KCNAB2: variants seen among roughly 807,000 people sequenced by gnomAD.
KCNAB2 encodes voltage-gated potassium channel subunit beta-2.
Under a neutral mutation model 63.6 loss-of-function variants are expected in KCNAB2, and 29 were observed. The observed-to-expected ratio is 0.46, with a 90% CI of 0.34 to 0.62. The LOEUF is 0.62. KCNAB2 is among the 20% of genes least tolerant of loss of function. The pLI is 0.01. For missense variants in KCNAB2, 359 were observed against 563.9 expected (o/e 0.64, Z 3.68); for synonymous variants, 222 against 224.2 (o/e 0.99, Z 0.09).
intron 5 of KCNAB2, among the ~76,000 whole-genome samples, chr1:6,083,633 T>C (rs1049531212): frequency 2.0e-5 from 3 of 152,158 alleles, no homozygotes; most frequent in African/African-American, 7.2e-5. Flanking sequence ...TCTGTCCAGC[T>C]CAGAGCTGAG....
chr1:5,999,468 CTGTT>C (rs1274485090), intron 1 of KCNAB2, among the ~76,000 whole-genome samples: 1 of 152,196 alleles, frequency 6.6e-6, no homozygotes, highest in Admixed American at 6.5e-5. Flanking sequence ...CACGAGGAAG[CTGTT>C]TGTGATGGTT....
In KCNAB2 at chr1:6,086,934, A is replaced by G. The variant is rs570229713; in HGVS notation, c.426-533A>G. Among the ~76,000 whole-genome samples the G allele has an allele frequency of 1.4e-5, 2 of 144,840 alleles. No individual in the cohort carries two copies. Among genetic ancestry groups the G allele is most frequent in the Non-Finnish European group, 3.0e-5 (2 of 66,228 alleles). On this transcript the variant is annotated intron_variant, in intron 6 of 15. Coordinates refer to ENST00000378083, the MANE Select transcript of KCNAB2 (RefSeq NM_001199862.2). The surrounding 1 kb of genome is among the most constrained non-coding windows in gnomAD (Gnocchi z 4.2). ...CAAGTTACCCCGACCAGGCCGTCCC[A>G]CACAGATTTTCTGCAACACGTGTCA... is the stretch of plus-strand genomic sequence containing the variant.
intron 1 of KCNAB2, among the ~76,000 whole-genome samples, chr1:6,009,772 C>G (rs985257751): frequency 7.9e-5 from 12 of 152,204 alleles, no homozygotes; most frequent in African/African-American, 2.9e-4. Context: ...CCGGTGTTCC[C>G]TCTCTGTCTC....
intron 1 of KCNAB2, among the ~76,000 whole-genome samples, chr1:6,050,065 G>A (rs1322312946): frequency 6.6e-6 from 1 of 152,174 alleles, no homozygotes; most frequent in East Asian, 1.9e-4. Context: ...GGCCCAGCCT[G>A]GGGCAACTCC....
rs1663941272 is a variant in KCNAB2, at chr1:6,078,890, T to C, written c.301-3305T>C. ...GCTGGCCCATGGACCACGCTTTGCC[T>C]GGGGAAGGTGCAGGGAGAGAGGATG... On this transcript the variant is annotated intron_variant, in intron 4 of 15. Transcript: ENST00000378083. The surrounding 1 kb of genome is among the most constrained non-coding windows in gnomAD (Gnocchi z 4.2). Among the ~76,000 whole-genome samples the C allele has an allele frequency of 6.6e-6, 1 of 152,098 alleles. No homozygotes were observed. Among genetic ancestry groups the C allele is most frequent in the South Asian group, 2.1e-4 (1 of 4,824 alleles).
chr1:5,993,140 C>G (rs771219041), intron 1 of KCNAB2, among the ~76,000 whole-genome samples: 110 of 151,470 alleles, frequency 7.3e-4, no homozygotes, highest in Non-Finnish European at 1.3e-3. Flanking sequence ...CTCGCCCTCC[C>G]CTTTCCTCCA....
intron 1 of KCNAB2, among the ~76,000 whole-genome samples, chr1:6,002,158 A>G (rs951792408): frequency 6.6e-6 from 1 of 152,222 alleles, no homozygotes; most frequent in African/African-American, 2.4e-5. Context: ...CGTCCCCAGC[A>G]CTGGCTCCCT....
At chr1:6,042,847 C>CCA (rs1345438994), upstream of KCNAB2, among the ~76,000 whole-genome samples, 2 of 104,620 alleles carry the variant, frequency 1.9e-5, no homozygotes, top group African/African-American at 3.9e-5. Flanking sequence ...CTCCCCACCC[C>CCA]CCCCCCCGTT....
At chr1:6,017,026 G>T (rs139473582) in intron 1 of KCNAB2, among the ~76,000 whole-genome samples, 1 of 152,130 alleles carries the variant, frequency 6.6e-6, no homozygotes, top group African/African-American at 2.4e-5. Context: ...ACAAAATACC[G>T]TGACCAGGAG....
At chr1:5,999,926 C>T (rs116442369) in intron 1 of KCNAB2, among the ~76,000 whole-genome samples, 2,399 of 142,310 alleles carry the variant, frequency 0.017, 48 homozygotes, top group African/African-American at 0.058. Flanking sequence ...GTGCCCCGTC[C>T]GCATCCCGCC....
chr1:6,013,784 C>G (rs1190235163), intron 1 of KCNAB2, among the ~76,000 whole-genome samples: 1 of 151,914 alleles, frequency 6.6e-6, no homozygotes, highest in East Asian at 1.9e-4. Flanking sequence ...CTCGGAGACT[C>G]CTGACGACAC....
At position 6,000,496 on chromosome 1, in the gene KCNAB2, C is replaced by T. The variant is rs1310573599; in HGVS notation, c.-53+7708C>T. On this transcript the variant is annotated intron_variant, in intron 1 of 16. Transcript: ENST00000341524. ...CTGTGCTGGGGCACTTCAGAGGCTC[C>T]GGGGAGCTGCCATGCTCTCTCTCCA... Among the ~76,000 whole-genome samples, 4 of 152,022 alleles carry T rather than the reference C, an allele frequency of 2.6e-5. No homozygotes were observed. In the East Asian group the frequency reaches 7.7e-4, roughly 29 times the overall value.
At chr1:6,089,851 C>T (rs1237193456) in intron 8 of KCNAB2, among the ~76,000 whole-genome samples, 1 of 152,230 alleles carries the variant, frequency 6.6e-6, no homozygotes, top group African/African-American at 2.4e-5. Context: ...GTGCCCACCA[C>T]CACATCTGGT....
intron 1 of KCNAB2, chr1:6,007,528 T>TCCTCCGCGCCG (rs1309353575): frequency 6.6e-6 from 1 of 152,402 alleles, no homozygotes; most frequent in Non-Finnish European, 1.5e-5. Context: ...CCTCCGCGCC[T>TCCTCCGCGCCG]CCTCTGCGCC....
intron 2 of KCNAB2, among the ~76,000 whole-genome samples, chr1:6,067,027 G>A (rs1324783859): frequency 6.6e-6 from 1 of 152,212 alleles, no homozygotes; most frequent in African/African-American, 2.4e-5. Context: ...CCAAGGCTGG[G>A]TGAATGTGCC....
intron 8 of KCNAB2, among the ~76,000 whole-genome samples, chr1:6,090,180 T>C (rs547631797): frequency 2.6e-5 from 4 of 152,226 alleles, no homozygotes; most frequent in African/African-American, 9.6e-5. Context: ...TCCCCCGATG[T>C]CCTCCTGAAG....
At chr1:6,007,514 G>GCCTCCTCCGCT (rs1553211372) in intron 1 of KCNAB2, 6 of 152,586 alleles carry the variant, frequency 3.9e-5, no homozygotes, top group Non-Finnish European at 5.9e-5. Context: ...CCACCTCTGC[G>GCCTCCTCCGCT]CCTCCTCCGC....
rs1426699071 is a variant in KCNAB2 at position 6,099,956 on chromosome 1, C to T, written c.*1382C>T. ...CCAGGCCTGTGTCCCAAGCAGTACCCAGGCTTTGCAGACCACGCGGGGCAG... is the reference window on the plus strand; with the variant it reads ...CCAGGCCTGTGTCCCAAGCAGTACCTAGGCTTTGCAGACCACGCGGGGCAG... On this transcript the variant is annotated 3_prime_UTR_variant, in exon 16 of 16. Coordinates refer to ENST00000378083, the MANE Select transcript of KCNAB2 (RefSeq NM_001199862.2). 1 of 1,550,112 alleles carries T rather than the reference C, an allele frequency of 6.5e-7. No individual in the cohort carries two copies. The highest frequency in any genetic ancestry group is 1.4e-5 in the African/African-American group (1 of 73,038).
intron 1 of KCNAB2, among the ~76,000 whole-genome samples, chr1:6,004,468 G>T (rs1420797532): frequency 6.6e-6 from 1 of 152,060 alleles, no homozygotes; most frequent in African/African-American, 2.4e-5. Context: ...AAGCCAGAAG[G>T]CAAGGTGTGG....
Sources: gnomAD v4.1 joint callset for allele counts (sites outside exome capture counted in the v4.1 genomes callset) on GRCh38, gnomAD v4.1.1 for gene constraint, Gnocchi (gnomAD v3.1) non-coding constraint, MANE v1.5 for transcripts, NCBI Gene and HGNC (gene_info 2026-07-23, HGNC 2026-07-21) for gene names.